GATB: variants seen among roughly 807,000 people sequenced by gnomAD.
GATB encodes the protein glutamyl-tRNA(Gln) amidotransferase subunit B, mitochondrial.
Under a neutral mutation model 62.3 loss-of-function variants are expected in GATB, and 39 were observed. That is an observed-to-expected ratio of 0.63 (90% CI 0.48 to 0.82). The LOEUF is 0.82. Among genes scored for constraint, GATB ranks in the 40% least tolerant of loss-of-function variants. The probability of loss-of-function intolerance (pLI) is 0.00; values close to 1 mark genes in which losing one functional copy is unlikely to be tolerated. For synonymous variants in GATB, 276 were observed against 258.9 expected (o/e 1.07, Z -0.63); for missense variants, 670 against 684.0 (o/e 0.98, Z 0.23).
At chr4:151,739,394 C>G (rs1739440974) in intron 2 of GATB, among the ~76,000 whole-genome samples, 1 of 152,184 alleles carries the variant, frequency 6.6e-6, no homozygotes, top group African/African-American at 2.4e-5. Context: ...TTTGTCATCT[C>G]TGGTATGCCA....
chr4:151,673,065 A>G, intron 11 of GATB, 169 bp from the exon 12 acceptor site: 2 of 760,448 alleles, frequency 2.6e-6, no homozygotes. Context: ...GCCCTGCCAG[A>G]GCGTTGGCTC....
Position 151,741,388 on chromosome 4 carries a change from C to G in GATB, c.327+17384G>C, listed in dbSNP as rs1006764397. 1.2e-4 allele frequency among the ~76,000 whole-genome samples: 18 copies of G among 152,292 alleles called. No individual in the cohort carries two copies. The East Asian group carries it at 3.5e-3, about 29-fold the overall frequency. On this transcript the variant is annotated intron_variant, in intron 2 of 12. Coordinates refer to ENST00000263985, the MANE Select transcript of GATB (RefSeq NM_004564.3). ...AATTCATTTTGAACAGTTAATAATT[C>G]TAAGTATAACACTGCCTTCTCTAAT...
intron 2 of GATB, among the ~76,000 whole-genome samples, chr4:151,732,185 G>A (rs1391624371): frequency 6.6e-6 from 1 of 151,560 alleles, no homozygotes; most frequent in African/African-American, 2.4e-5. Context: ...GAAGTGAGGA[G>A]CCCCTCTGCC....
At chr4:151,731,949 C>T (rs1222651360) in intron 2 of GATB, among the ~76,000 whole-genome samples, 6 of 103,532 alleles carry the variant, frequency 5.8e-5, no homozygotes, top group Non-Finnish European at 1.0e-4. Flanking sequence ...CCGCCCCGTC[C>T]GGGAGGGAAG....
At chr4:151,688,940 C>T (rs1369278226) in intron 9 of GATB, among the ~76,000 whole-genome samples, 177 bp from the exon 10 acceptor site, 2 of 152,178 alleles carry the variant, frequency 1.3e-5, no homozygotes, top group Non-Finnish European at 2.9e-5. Context: ...GACAACTATT[C>T]TACTACTGTC....
At chr4:151,681,133 A>G (rs975414458) in intron 10 of GATB, among the ~76,000 whole-genome samples, 2 of 152,238 alleles carry the variant, frequency 1.3e-5, no homozygotes, top group South Asian at 2.1e-4. Context: ...AATACAAAGG[A>G]AACTACAGCT....
intron 5 of GATB, among the ~76,000 whole-genome samples, chr4:151,714,473 C>A (rs1195079985): frequency 6.6e-6 from 1 of 152,194 alleles, no homozygotes; most frequent in Non-Finnish European, 1.5e-5. Flanking sequence ...TTAGAACAAC[C>A]AAAGCTACTC....
At chr4:151,758,673 C>A in intron 2 of GATB, 99 bp downstream of exon 2, 3 of 1,040,746 alleles carry the variant, frequency 2.9e-6, no homozygotes, top group East Asian at 2.7e-5. Flanking sequence ...TAAGTATTTC[C>A]AAAGAGTTGT....
chr4:151,672,382 G>C (rs1737892934), intron 12 of GATB, among the ~76,000 whole-genome samples: 1 of 152,116 alleles, frequency 6.6e-6, no homozygotes, highest in Non-Finnish European at 1.5e-5. Flanking sequence ...CACACCTGCT[G>C]GTTCTTTACT....
chr4:151,707,905 C>T, intron 6 of GATB, 83 bp downstream of exon 6: 1 of 875,172 alleles, frequency 1.1e-6, no homozygotes, highest in Non-Finnish European at 1.9e-6. Flanking sequence ...CTTGTGTAAG[C>T]CACTAAGTTT....
Position 151,701,508 on chromosome 4 carries a change from C to G in GATB, c.1018G>C (p.Glu340Gln). 1 of 1,551,388 alleles carries G rather than the reference C, an allele frequency of 6.4e-7. No individual in the cohort carries two copies. Among genetic ancestry groups the G allele is most frequent in the Non-Finnish European group, 8.7e-7 (1 of 1,145,588 alleles). Reference protein sequence around the residue: ...EGKQDYRFMPEPNLPPLVLYD... With the variant: ...EGKQDYRFMPQPNLPPLVLYD... ...AGCACCAGGGGAGGCAGGTTGGGTT[C>G]TGGCATGAACCTGGGCAGACAGAGG... Residue 340 changes from glutamate (E) to glutamine (Q), a missense_variant, in exon 9 of 13, where the codon GAA becomes CAA. Glu to Gln is a conservative substitution (Grantham distance 29, BLOSUM62 2). Transcript: ENST00000263985.
Position 151,698,421 on chromosome 4 carries a change from A to G in GATB, c.1197+2908T>C, listed in dbSNP as rs1165418843. 3.9e-5 allele frequency among the ~76,000 whole-genome samples: 6 copies of G among 152,300 alleles called. No individual in the cohort carries two copies. In the East Asian group the frequency reaches 9.7e-4, roughly 25 times the overall value. On this transcript the variant is annotated intron_variant, in intron 9 of 12. Coordinates refer to ENST00000263985, the MANE Select transcript of GATB (RefSeq NM_004564.3). ...GGGCATGTGCATAATGCTTAATTTA[A>G]TAAGCAATCCAAAGACAGAGAGCAC...
In GATB at chr4:151,721,422, G is replaced by C. The variant is rs184883654; in HGVS notation, c.328-1884C>G. The C allele has an allele frequency of 2.6e-4, 40 of 152,354 alleles. 1 individual carries two copies. The highest frequency in any genetic ancestry group is 2.5e-3 in the Admixed American group (38 of 15,302). The allele number at this position is 152,354 out of a possible 1,614,324, so 9.4% of individuals were successfully genotyped here. A position where few individuals can be genotyped will look rare whatever the true frequency, so the allele number is the denominator to read the frequency against. Reference sequence around the variant, plus strand: ...GCAGCAATAAAGGTTTTCAAGAAAAGATGTGTGGGGAACAGGAGGCTCTAA... The same window carrying C: ...GCAGCAATAAAGGTTTTCAAGAAAACATGTGTGGGGAACAGGAGGCTCTAA... On this transcript the variant is annotated intron_variant, in intron 2 of 12. Transcript: ENST00000263985.
intron 2 of GATB, among the ~76,000 whole-genome samples, chr4:151,725,137 A>C (rs1271571613): frequency 6.6e-6 from 1 of 152,230 alleles, no homozygotes; most frequent in Non-Finnish European, 1.5e-5. Flanking sequence ...CTGGAAACAC[A>C]CTAGAAGCTG....
Position 151,687,523 on chromosome 4 carries a change from G to A in GATB, c.1331+1107C>T, listed in dbSNP as rs781394738. ...CTCAGGCCTGGGGCATTTCTCATCCGCATTCCTGAAAGAGGTTCCCAAATG... is the reference window on the plus strand; with the variant it reads ...CTCAGGCCTGGGGCATTTCTCATCCACATTCCTGAAAGAGGTTCCCAAATG... On this transcript the variant is annotated intron_variant, in intron 10 of 12. Transcript: ENST00000263985. Among the ~76,000 whole-genome samples, 170 of 152,164 alleles carry A rather than the reference G, an allele frequency of 1.1e-3. 2 individuals are homozygous for A. Among genetic ancestry groups the A allele is most frequent in the Non-Finnish European group, 2.2e-3 (148 of 68,030 alleles).
intron 10 of GATB, among the ~76,000 whole-genome samples, chr4:151,688,316 C>G (rs1035672985): frequency 2.0e-5 from 3 of 152,200 alleles, no homozygotes; most frequent in Non-Finnish European, 4.4e-5. Flanking sequence ...GACAGGATCA[C>G]CCTGGGGTGG....
chr4:151,717,085 A>G lies in GATB; in HGVS notation c.442-11T>C. On this transcript the variant is annotated splice_polypyrimidine_tract_variant and intron_variant, in intron 3 of 12. Coordinates refer to ENST00000263985, the MANE Select transcript of GATB (RefSeq NM_004564.3). Reference sequence around the variant, plus strand: ...AATTTGGTAGCCTGCCTGCACACAAACATAGGGTAAACATAGTCACTGGTC... The same window carrying G: ...AATTTGGTAGCCTGCCTGCACACAAGCATAGGGTAAACATAGTCACTGGTC... 2 of 1,613,540 alleles carry G rather than the reference A, an allele frequency of 1.2e-6. No homozygotes were observed. Among genetic ancestry groups the G allele is most frequent in the South Asian group, 2.2e-5 (2 of 91,024 alleles).
intron 2 of GATB, among the ~76,000 whole-genome samples, chr4:151,732,056 G>C (rs1224559742): frequency 5.9e-5 from 2 of 33,762 alleles, no homozygotes. Flanking sequence ...GAGGGAGGTG[G>C]GGGGGTCAGC....
At chr4:151,672,223 C>G (rs1434370653) in intron 12 of GATB, among the ~76,000 whole-genome samples, 1 of 152,194 alleles carries the variant, frequency 6.6e-6, no homozygotes, top group Non-Finnish European at 1.5e-5. Flanking sequence ...ATGTCTTGTG[C>G]TGTGCTAAGA....
Sources: allele counts gnomAD v4.1 joint callset (sites outside exome capture counted in the v4.1 genomes callset), GRCh38; gene constraint gnomAD v4.1.1; transcripts MANE v1.5; gene names NCBI Gene and HGNC (gene_info 2026-07-23, HGNC 2026-07-21).